DLG2: variants seen among roughly 807,000 people sequenced by gnomAD.
The protein encoded by DLG2 is discs large MAGUK scaffold protein 2.
In DLG2, 45 loss-of-function variants were observed where a neutral mutation model predicts 132.5. The observed-to-expected ratio is 0.34, with a 90% CI of 0.27 to 0.44. DLG2 has a LOEUF of 0.44. Among genes scored for constraint, DLG2 ranks in the 20% least tolerant of loss-of-function variants. DLG2 has a pLI of 1.00. For missense variants in DLG2, 1,045 were observed against 1,196.9 expected, an observed-to-expected ratio of 0.87 and a Z score of 1.87; for synonymous variants, 424 against 419.6, an observed-to-expected ratio of 1.01 and a Z score of -0.13.
intron 3 of DLG2, among the ~76,000 whole-genome samples, chr11:85,518,565 G>A (rs972427034): frequency 2.0e-5 from 3 of 152,190 alleles, no homozygotes; most frequent in Non-Finnish European, 4.4e-5. Context: ...AAGGGAAGCA[G>A]AGCACAAAAG....
At chr11:85,589,064 T>C (rs2079139978) in intron 3 of DLG2, among the ~76,000 whole-genome samples, 1 of 152,072 alleles carries the variant, frequency 6.6e-6, no homozygotes, top group African/African-American at 2.4e-5. Flanking sequence ...GCCTGCCCTG[T>C]TGGAGGTGGC....
chr11:84,797,033 G>C (rs1252946148), intron 6 of DLG2, among the ~76,000 whole-genome samples: 1 of 151,980 alleles, frequency 6.6e-6, no homozygotes, highest in Non-Finnish European at 1.5e-5. Context: ...TTTTAGTAGA[G>C]ACGGGGTTTC....
chr11:84,098,282 A>C lies in DLG2; in HGVS notation c.749+641T>G, dbSNP rs138529343. On this transcript the variant is annotated intron_variant, in intron 10 of 27. Transcript: ENST00000376104. ...TCAAACTCCTGACCTCAAGTGATCC[A>C]TCTGCCTTGGCCTCTCAAAGTGCTG... Among the ~76,000 whole-genome samples the C allele has an allele frequency of 7.4e-3, 1,121 of 152,162 alleles. 50 individuals are homozygous for C. The highest frequency in any genetic ancestry group is 1.6e-3 in the Non-Finnish European group (106 of 68,008).
chr11:84,070,506 C>T (rs1182682654), intron 10 of DLG2, among the ~76,000 whole-genome samples: 2 of 152,224 alleles, frequency 1.3e-5, no homozygotes, highest in African/African-American at 4.8e-5. Flanking sequence ...TTAAGAAATA[C>T]ATTTAACAAT....
At chr11:83,930,632 T>C (rs745498496) in intron 14 of DLG2, 149 bp from the exon 15 acceptor site, 2 of 778,208 alleles carry the variant, frequency 2.6e-6, no homozygotes, top group Admixed American at 3.1e-5. Context: ...TTTCCACTTG[T>C]AACTTTTCTT....
chr11:85,462,317 T>C lies in DLG2; in HGVS notation c.40+136340A>G, dbSNP rs959041767. Among the ~76,000 whole-genome samples the C allele has an allele frequency of 7.2e-5, 11 of 152,266 alleles. No homozygotes were observed. The South Asian group carries it at 2.3e-3, about 32-fold the overall frequency. On this transcript the variant is annotated intron_variant, in intron 3 of 27. Coordinates refer to ENST00000376104, the MANE Select transcript of DLG2 (RefSeq NM_001142699.3). ...CATTACTGGGTATATACCCAAAGGATTATAAATCATGCTGCTATGAAGACA... is the reference window on the plus strand; with the variant it reads ...CATTACTGGGTATATACCCAAAGGACTATAAATCATGCTGCTATGAAGACA...
intron 6 of DLG2, among the ~76,000 whole-genome samples, chr11:84,863,120 C>T (rs1186716623): frequency 6.6e-6 from 1 of 151,968 alleles, no homozygotes; most frequent in Non-Finnish European, 1.5e-5. Context: ...TAATGTAGAT[C>T]CTTTTATCAC....
chr11:85,049,581 CAT>C (rs1354736518), intron 6 of DLG2, among the ~76,000 whole-genome samples: 2 of 151,994 alleles, frequency 1.3e-5, no homozygotes, highest in Non-Finnish European at 2.9e-5. Flanking sequence ...TCTCAATAAA[CAT>C]GTGATAATAG....
chr11:84,393,015 G>C (rs1212769275), intron 7 of DLG2, among the ~76,000 whole-genome samples: 1 of 152,180 alleles, frequency 6.6e-6, no homozygotes, highest in Non-Finnish European at 1.5e-5. Flanking sequence ...TGGTACTCAT[G>C]CATTTCTGGT....
At chr11:84,997,490 C>G (rs78575180) in intron 6 of DLG2, 1 of 152,110 alleles carries the variant, frequency 6.6e-6, no homozygotes, top group East Asian at 1.9e-4. Context: ...GGGGCAGAAA[C>G]GCTTACTCTC....
chr11:84,795,853 G>A (rs988266101), intron 6 of DLG2, among the ~76,000 whole-genome samples: 1 of 152,122 alleles, frequency 6.6e-6, no homozygotes, highest in Non-Finnish European at 1.5e-5. Flanking sequence ...AGCCACTTGT[G>A]GTACACCTGG....
intron 3 of DLG2, among the ~76,000 whole-genome samples, chr11:85,429,879 A>C (rs1217381130): frequency 1.3e-5 from 2 of 152,190 alleles, no homozygotes; most frequent in African/African-American, 4.8e-5. Context: ...AAGGATTATA[A>C]AACATGCTGC....
chr11:83,470,479 TATTA>T (rs1419199603), intron 24 of DLG2, among the ~76,000 whole-genome samples: 4 of 152,300 alleles, frequency 2.6e-5, no homozygotes, highest in African/African-American at 7.2e-5. Flanking sequence ...AAAATGGTTC[TATTA>T]ATTCAAAAAA....
intron 15 of DLG2, among the ~76,000 whole-genome samples, chr11:83,887,760 T>A (rs1243022884): frequency 6.7e-6 from 1 of 149,790 alleles, no homozygotes; most frequent in Non-Finnish European, 1.5e-5. Flanking sequence ...CATGATCAAG[T>A]GGGCTTCATC....
chr11:85,525,523 T>A (rs542978887), intron 3 of DLG2, among the ~76,000 whole-genome samples: 1 of 152,338 alleles, frequency 6.6e-6, no homozygotes, highest in African/African-American at 2.4e-5. Flanking sequence ...TGACAACTTT[T>A]CTTCCAAATA....
At chr11:85,177,488 T>G (rs190065683) in intron 4 of DLG2, among the ~76,000 whole-genome samples, 4 of 152,018 alleles carry the variant, frequency 2.6e-5, no homozygotes, top group East Asian at 1.9e-4. Context: ...CATGGACACA[T>G]GCAGGGGAAC....
At chr11:83,902,008 C>A (rs61901789) in intron 15 of DLG2, among the ~76,000 whole-genome samples, 14,670 of 151,442 alleles carry the variant, frequency 0.097, 834 homozygotes, top group Middle Eastern at 0.2. Flanking sequence ...AACTACTTTT[C>A]CACTATTCAA....
intron 7 of DLG2, among the ~76,000 whole-genome samples, chr11:84,352,826 G>T (rs2098587214): frequency 6.6e-6 from 1 of 152,144 alleles, no homozygotes; most frequent in African/African-American, 2.4e-5. Context: ...AAAATGAATG[G>T]CAGACAGTGG....
At chr11:84,376,569 C>A (rs950195118) in intron 7 of DLG2, among the ~76,000 whole-genome samples, 1 of 151,984 alleles carries the variant, frequency 6.6e-6, no homozygotes, top group African/African-American at 2.4e-5. Context: ...AGTCTAAAAA[C>A]TTTTCATGAA....
Sources: gnomAD v4.1 joint callset for allele counts (sites outside exome capture counted in the v4.1 genomes callset) on GRCh38, gnomAD v4.1.1 for gene constraint, MANE v1.5 for transcripts, NCBI Gene and HGNC (gene_info 2026-07-23, HGNC 2026-07-21) for gene names.